The following RAB2A variants were observed in gnomAD, a reference collection of about 807,000 sequenced individuals.
RAB2A encodes RAB2A, member RAS oncogene family, also known as ras-related protein Rab-2A.
RAB2A carries 7 observed loss-of-function variants against 32.5 expected under a neutral mutation model. The ratio of observed to expected loss-of-function variants is 0.22; its 90% CI spans 0.12 to 0.40. The LOEUF (loss-of-function observed/expected upper bound fraction) is 0.40, where lower values mean the gene tolerates loss of function less well. Among genes scored for constraint, RAB2A ranks in the 10% least tolerant of loss-of-function variants. The pLI is 1.00. For missense variants in RAB2A, 108 were observed against 260.7 expected (o/e 0.41, Z 4.03); for synonymous variants, 79 against 85.2 (o/e 0.93, Z 0.40).
chr8:60,620,742 A>G lies in RAB2A; in HGVS notation c.612A>G (p.Gly204=), dbSNP rs758771909. 1.9e-6 allele frequency: 3 copies of G among 1,613,546 alleles called. No individual in the cohort carries two copies. The highest frequency in any genetic ancestry group is 2.7e-5 in the African/African-American group (2 of 74,856). The change falls in exon 8 of 8, where the codon GGA becomes GGG. Residue 204 remains glycine (G), a synonymous_variant. Transcript: ENST00000262646. ...CAACACATGCAGGCAATCAGGGAGGACAGCAGGCTGGGGGCGGCTGCTGTT... is the reference window on the plus strand; with the variant it reads ...CAACACATGCAGGCAATCAGGGAGGGCAGCAGGCTGGGGGCGGCTGCTGTT... ...TNATHAGNQG[G]QQAGGGCC
chr8:60,542,470 C>T (rs1185656818), intron 1 of RAB2A, among the ~76,000 whole-genome samples: 2 of 151,904 alleles, frequency 1.3e-5, no homozygotes, highest in African/African-American at 4.8e-5. Context: ...GTGTCGAGAT[C>T]GCGCCACTGT....
At chr8:60,582,548 G>T (rs918203337) in intron 3 of RAB2A, among the ~76,000 whole-genome samples, 3 of 152,098 alleles carry the variant, frequency 2.0e-5, no homozygotes, top group Non-Finnish European at 4.4e-5. Flanking sequence ...TGGAGACAAG[G>T]TGTTGCTCTG....
intron 5 of RAB2A, among the ~76,000 whole-genome samples, chr8:60,589,405 G>C (rs991481592): frequency 2.0e-5 from 3 of 152,190 alleles, no homozygotes; most frequent in Admixed American, 6.5e-5. Context: ...ACTGTGGATA[G>C]ACATCAAAAC....
At position 60,604,479 on chromosome 8, in the gene RAB2A, A is replaced by G. The variant is rs185216903; in HGVS notation, c.474+12510A>G. ...AGTGTGGAGGGCTCAGAAGATGAGG[A>G]AAAATTTGGAACTTCTTAGAGACTG... On this transcript the variant is annotated intron_variant, in intron 6 of 7. Transcript: ENST00000262646. Among the ~76,000 whole-genome samples, 7 of 152,204 alleles carry G rather than the reference A, an allele frequency of 4.6e-5. No individual in the cohort carries two copies. The East Asian group carries it at 1.3e-3, about 29-fold the overall frequency.
intron 6 of RAB2A, among the ~76,000 whole-genome samples, chr8:60,606,086 T>A (rs550641680): frequency 1.3e-5 from 2 of 152,204 alleles, no homozygotes; most frequent in South Asian, 4.1e-4. Context: ...GAGGCGGAAG[T>A]TGCAGTGAGC....
intron 1 of RAB2A, among the ~76,000 whole-genome samples, chr8:60,558,143 A>G (rs183461426): frequency 1.6e-3 from 243 of 152,324 alleles, no homozygotes; most frequent in African/African-American, 4.5e-3. Context: ...GAAGTGCAGG[A>G]TGCTATCAAT....
intron 6 of RAB2A, among the ~76,000 whole-genome samples, chr8:60,609,106 T>A (rs180731466): frequency 7.1e-4 from 108 of 152,262 alleles, no homozygotes; most frequent in Middle Eastern, 3.4e-3. Flanking sequence ...ACTCCTTAGC[T>A]TGGCATGCAG....
chr8:60,606,578 T>C (rs554512297), intron 6 of RAB2A, among the ~76,000 whole-genome samples: 93 of 152,310 alleles, frequency 6.1e-4, no homozygotes, highest in African/African-American at 2.1e-3. Flanking sequence ...CTAAACTAGG[T>C]GTTACTTAGC....
At chr8:60,614,335 A>G (rs1028773425) in intron 6 of RAB2A, among the ~76,000 whole-genome samples, 10 of 151,918 alleles carry the variant, frequency 6.6e-5, no homozygotes, top group African/African-American at 2.4e-4. Context: ...TCCTACCTAA[A>G]TAGTTCCTAT....
intron 1 of RAB2A, among the ~76,000 whole-genome samples, chr8:60,524,720 G>C (rs1047677639): frequency 6.6e-6 from 1 of 152,126 alleles, no homozygotes; most frequent in Non-Finnish European, 1.5e-5. Flanking sequence ...CACTCTCCGG[G>C]GAGTCCCAGA....
At chr8:60,524,404 C>T (rs1586059697) in intron 1 of RAB2A, among the ~76,000 whole-genome samples, 1 of 152,006 alleles carries the variant, frequency 6.6e-6, no homozygotes, top group African/African-American at 2.4e-5. Flanking sequence ...TCACTTTAGT[C>T]TATGAGGCTG....
At chr8:60,592,542 A>G (rs73261249) in intron 6 of RAB2A, among the ~76,000 whole-genome samples, 4,683 of 152,154 alleles carry the variant, frequency 0.031, 185 homozygotes, top group East Asian at 0.11. Flanking sequence ...TTAACTGTCA[A>G]TATATTACCA....
At chr8:60,521,177 G>C (rs1041266128) in intron 1 of RAB2A, among the ~76,000 whole-genome samples, 6 of 152,154 alleles carry the variant, frequency 3.9e-5, no homozygotes, top group Non-Finnish European at 8.8e-5. Flanking sequence ...TAGATGCCAG[G>C]GTACACCATT....
intron 2 of RAB2A, among the ~76,000 whole-genome samples, chr8:60,566,980 A>G (rs978204597): frequency 6.6e-6 from 1 of 152,136 alleles, no homozygotes; most frequent in Non-Finnish European, 1.5e-5. Flanking sequence ...ATCCCTATAT[A>G]GCTTGTGGCC....
chr8:60,618,508 C>A, intron 6 of RAB2A, 72 bp from the exon 7 acceptor site: 5 of 738,864 alleles, frequency 6.8e-6, no homozygotes, highest in Non-Finnish European at 9.7e-6. Context: ...TTATGATATT[C>A]TATAGAGCAT....
chr8:60,621,786 C>T lies in RAB2A; in HGVS notation c.*1017C>T, dbSNP rs1270297323. On this transcript the variant is annotated 3_prime_UTR_variant, in exon 8 of 8. Coordinates refer to ENST00000262646, the MANE Select transcript of RAB2A (RefSeq NM_002865.3). ...CAGTGACTGTGTAAAATTTTTCTTT[C>T]AGTGGCAACCTCTATAATCTTTAAA... The T allele has an allele frequency of 6.6e-6, 1 of 152,074 alleles. No homozygotes were observed. The highest frequency in any genetic ancestry group is 1.5e-5 in the Non-Finnish European group (1 of 68,006). 9.4% of individuals were successfully genotyped at this position (152,074 alleles called of 1,614,324 possible).
rs1021603297 is a variant in RAB2A at position 60,623,039 on chromosome 8, T to C, written c.*2270T>C. On this transcript the variant is annotated 3_prime_UTR_variant, in exon 8 of 8. Transcript: ENST00000262646. Reference sequence around the variant, plus strand: ...CTTCGATCAGTTTTTATAGCATCTATGGACATAGAAAATCAGTCACTGAAA... The same window carrying C: ...CTTCGATCAGTTTTTATAGCATCTACGGACATAGAAAATCAGTCACTGAAA... The C allele has an allele frequency of 1.3e-5, 2 of 152,240 alleles. No individual in the cohort carries two copies. The highest frequency in any genetic ancestry group is 2.9e-5 in the Non-Finnish European group (2 of 68,042). 9.4% of individuals were successfully genotyped at this position (152,240 alleles called of 1,614,324 possible).
At chr8:60,591,828 G>A in intron 5 of RAB2A, 30 bp from the exon 6 acceptor site, 1 of 1,393,766 alleles carries the variant, frequency 7.2e-7, no homozygotes, top group Non-Finnish European at 1.0e-6. Context: ...ATGTTGATTA[G>A]TAATGTGACC....
chr8:60,585,327 G>GT (rs1287820375), intron 5 of RAB2A, among the ~76,000 whole-genome samples: 8 of 146,776 alleles, frequency 5.5e-5, no homozygotes, highest in African/African-American at 2.0e-4. Flanking sequence ...GTTTTGTTTT[G>GT]TTTGAGACAG....
Sources: gnomAD v4.1 joint callset for allele counts (sites outside exome capture counted in the v4.1 genomes callset) on GRCh38, gnomAD v4.1.1 for gene constraint, MANE v1.5 for transcripts, NCBI Gene and HGNC (gene_info 2026-07-23, HGNC 2026-07-21) for gene names.